Variants in GSE1 observed in about 807,000 individuals in gnomAD.
GSE1 encodes Gse1 coiled-coil protein.
In GSE1, 32 loss-of-function variants were observed where a neutral mutation model predicts 112.6. The observed-to-expected ratio is 0.28, with a 90% confidence interval of 0.21 to 0.38. GSE1 has a LOEUF of 0.38. Ranked by LOEUF, GSE1 falls within the 10% of genes least tolerant of loss-of-function variation. The pLI, the probability that GSE1 is intolerant of heterozygous loss-of-function variation, is 1.00. For synonymous variants in GSE1, 1,115 were observed against 735.6 expected (o/e 1.52, Z -8.35); for missense variants, 2,348 against 1,699.2 (o/e 1.38, Z -6.71).
intron 2 of GSE1, among the ~76,000 whole-genome samples, chr16:85,437,855 C>T (rs1235334873): frequency 5.9e-5 from 9 of 152,284 alleles, no homozygotes; most frequent in Admixed American, 3.9e-4. Context: ...CCCACCCTTT[C>T]GCTGTGTGGT....
At chr16:85,459,292 C>G (rs1003095481) in intron 2 of GSE1, among the ~76,000 whole-genome samples, 6 of 152,330 alleles carry the variant, frequency 3.9e-5, no homozygotes, top group Admixed American at 2.6e-4. Context: ...AGAGCCACCA[C>G]CAGCCCATAT....
At chr16:85,616,937 G>C (rs1598398138) in intron 1 of GSE1, among the ~76,000 whole-genome samples, 1 of 152,200 alleles carries the variant, frequency 6.6e-6, no homozygotes, top group Admixed American at 6.5e-5. Flanking sequence ...GCAGCCCTTT[G>C]CATGCCTGCC....
intron 1 of GSE1, among the ~76,000 whole-genome samples, chr16:85,282,319 C>G (rs991645172): frequency 6.6e-6 from 1 of 152,234 alleles, no homozygotes; most frequent in East Asian, 1.9e-4. Flanking sequence ...AGCCACCGCG[C>G]CCGGCTGGGT....
intron 2 of GSE1, among the ~76,000 whole-genome samples, chr16:85,516,376 C>T (rs908231056): frequency 8.0e-5 from 12 of 150,258 alleles, no homozygotes; most frequent in Non-Finnish European, 1.8e-4. Context: ...TGTGGTGTGG[C>T]CCGGGGTGGT....
At chr16:85,269,822 G>C (rs944309194) in intron 1 of GSE1, among the ~76,000 whole-genome samples, 6 of 149,552 alleles carry the variant, frequency 4.0e-5, no homozygotes, top group African/African-American at 1.4e-4. Flanking sequence ...GTCGAGAGAG[G>C]TGGCACCGTA....
intron 1 of GSE1, among the ~76,000 whole-genome samples, chr16:85,341,043 G>C (rs1356673298): frequency 6.6e-6 from 1 of 152,236 alleles, no homozygotes; most frequent in African/African-American, 2.4e-5. Context: ...GCACAGAGCA[G>C]ATGCTGCACC....
chr16:85,590,522 T>TGATTGTGTGAGCATGTGTGA, intron 1 of GSE1, among the ~76,000 whole-genome samples: 1 of 150,700 alleles, frequency 6.6e-6, no homozygotes. Context: ...AGTGTGTGTG[T>TGATTGTGTGAGCATGTGTGA]GATTGTGTGA....
chr16:85,219,574 G>A (rs888231617), intron 1 of GSE1, among the ~76,000 whole-genome samples: 4 of 152,134 alleles, frequency 2.6e-5, no homozygotes, highest in Non-Finnish European at 5.9e-5. Flanking sequence ...CTCACTGCAC[G>A]GCCCAGAAGA....
intron 1 of GSE1, among the ~76,000 whole-genome samples, chr16:85,345,374 G>T (rs548801271): frequency 6.6e-6 from 1 of 152,160 alleles, no homozygotes; most frequent in Non-Finnish European, 1.5e-5. Context: ...GAGTGGTTTT[G>T]ACAGAGACCA....
chr16:85,476,491 G>A (rs976209656), intron 2 of GSE1, among the ~76,000 whole-genome samples: 3 of 152,174 alleles, frequency 2.0e-5, no homozygotes, highest in South Asian at 2.1e-4. Context: ...GCTTCATGGC[G>A]GTTGCTGCCC....
At chr16:85,181,723 G>T (rs534679496) in intron 1 of GSE1, among the ~76,000 whole-genome samples, 2 of 152,290 alleles carry the variant, frequency 1.3e-5, no homozygotes, top group Admixed American at 6.5e-5. Flanking sequence ...AAGTGGCGTG[G>T]GGCCTCCACA....
At chr16:85,312,186 GTC>G (rs2151483589) in intron 1 of GSE1, among the ~76,000 whole-genome samples, 1 of 131,282 alleles carries the variant, frequency 7.6e-6, no homozygotes, top group Non-Finnish European at 1.5e-5. Flanking sequence ...TCCCTCTGTG[GTC>G]TCTCTGATCC....
chr16:85,625,070 A>G (rs2048978249), intron 1 of GSE1, among the ~76,000 whole-genome samples: 1 of 152,070 alleles, frequency 6.6e-6, no homozygotes, highest in South Asian at 2.1e-4. Flanking sequence ...ACAGCTCTGG[A>G]CACCGACCCC....
At position 85,666,018 on chromosome 16, in the gene GSE1, T is replaced by A; in HGVS notation, c.2801T>A (p.Val934Asp). The change falls in exon 13 of 16, where the codon GTT becomes GAT. Residue 934 changes from valine to aspartate, a missense_variant. Transcript: ENST00000253458. ...GCCTCTCTGGATGTGGAGAAGCCGG[T>A]TGGTGTTGCTGCTTCCTTGTCTGAC... The part of the protein sequence containing the change: ...QQASLDVEKP[V>D]GVAASLSDIP... 6.2e-7 allele frequency: 1 copy of A among 1,613,468 alleles called. No homozygotes were observed. The highest frequency in any genetic ancestry group is 8.5e-7 in the Non-Finnish European group (1 of 1,179,834).
chr16:85,408,054 T>A (rs117081423), intron 2 of GSE1, among the ~76,000 whole-genome samples: 1 of 48,818 alleles, frequency 2.0e-5, no homozygotes, highest in Non-Finnish European at 4.0e-5. Context: ...ATCCTGTTAC[T>A]CTCAGGGCAC....
At chr16:85,532,605 A>T (rs922405218) in intron 2 of GSE1, among the ~76,000 whole-genome samples, 1 of 151,300 alleles carries the variant, frequency 6.6e-6, no homozygotes, top group African/African-American at 2.4e-5. Context: ...CCTACATGCC[A>T]CGTCTGTGTG....
intron 1 of GSE1, among the ~76,000 whole-genome samples, chr16:85,220,642 CG>C (rs1373921140): frequency 6.8e-6 from 1 of 147,780 alleles, no homozygotes; most frequent in African/African-American, 2.5e-5. Flanking sequence ...CGCTGCTGCC[CG>C]CTTGCCCTGG....
intron 2 of GSE1, among the ~76,000 whole-genome samples, chr16:85,394,344 G>A (rs796076002): frequency 6.6e-5 from 10 of 152,332 alleles, no homozygotes; most frequent in African/African-American, 2.4e-4. Context: ...GTGCGGCCCC[G>A]CTGGACGCTG....
chr16:85,237,097 G>C (rs1005655334), intron 1 of GSE1, among the ~76,000 whole-genome samples: 4 of 152,176 alleles, frequency 2.6e-5, no homozygotes, highest in Admixed American at 2.6e-4. Context: ...AGGCCGAAGT[G>C]GGTGAATCAC....
Sources: gnomAD v4.1 joint callset for allele counts (sites outside exome capture counted in the v4.1 genomes callset) on GRCh38, gnomAD v4.1.1 for gene constraint, MANE v1.5 for transcripts, NCBI Gene and HGNC (gene_info 2026-07-23, HGNC 2026-07-21) for gene names.